The following APBA1 variants were observed in gnomAD, a reference collection of about 807,000 sequenced individuals.
APBA1 encodes the protein amyloid beta precursor protein binding family A member 1.
APBA1 carries 55 observed loss-of-function variants against 86.6 expected under a neutral mutation model. That is an observed-to-expected ratio of 0.64 (90% confidence interval 0.51 to 0.80). The LOEUF is 0.80. Ranked by LOEUF, APBA1 falls within the 30% of genes least tolerant of loss-of-function variation. The pLI, the probability that APBA1 is intolerant of heterozygous loss-of-function variation, is 0.00. For missense variants in APBA1, 1,090 were observed against 1,183.0 expected (o/e 0.92, Z 1.15); for synonymous variants, 511 against 493.9 (o/e 1.03, Z -0.46).
intron 1 of APBA1, among the ~76,000 whole-genome samples, chr9:69,607,954 C>T (rs1822510060): frequency 6.6e-6 from 1 of 152,136 alleles, no homozygotes. Context: ...GTGCCTGTCA[C>T]ATAATAACAG....
chr9:69,610,447 C>T (rs1003770407), intron 1 of APBA1, among the ~76,000 whole-genome samples: 5 of 152,100 alleles, frequency 3.3e-5, no homozygotes, highest in Non-Finnish European at 5.9e-5. Flanking sequence ...ATTCTAGGTT[C>T]CACAGAATTT....
rs189484624 is a variant in APBA1 at position 69,445,587 on chromosome 9, T to C, written c.2181+3997A>G. On this transcript the variant is annotated intron_variant, in intron 10 of 12. Coordinates refer to ENST00000265381, the MANE Select transcript of APBA1 (RefSeq NM_001163.4). ...GCTCCTGGGGAAGCAAGGGAAGCTGTGCGCTATTCTAAAACAGAGCAAAAA... is the reference window on the plus strand; with the variant it reads ...GCTCCTGGGGAAGCAAGGGAAGCTGCGCGCTATTCTAAAACAGAGCAAAAA... Among the ~76,000 whole-genome samples, 3 of 152,232 alleles carry C rather than the reference T, an allele frequency of 2.0e-5. No individual in the cohort carries two copies. In the East Asian group the frequency reaches 5.8e-4, roughly 29 times the overall value.
Position 69,429,822 on chromosome 9 carries a change from A to T in APBA1, c.*1505T>A, listed in dbSNP as rs1487150974. On this transcript the variant is annotated 3_prime_UTR_variant, in exon 13 of 13. Coordinates refer to ENST00000265381, the MANE Select transcript of APBA1 (RefSeq NM_001163.4). ...AGAACAGGGACTATATTAATTACAAAATATAATAGTTTCTCTTCCCCTGTC... is the reference window on the plus strand; with the variant it reads ...AGAACAGGGACTATATTAATTACAATATATAATAGTTTCTCTTCCCCTGTC... 6.6e-6 allele frequency: 1 copy of T among 151,792 alleles called. No individual in the cohort carries two copies. The highest frequency in any genetic ancestry group is 2.4e-5 in the African/African-American group (1 of 41,312). The allele number at this position is 151,792 out of a possible 1,614,324, so 9.4% of individuals were successfully genotyped here.
intron 1 of APBA1, among the ~76,000 whole-genome samples, chr9:69,609,119 T>C (rs921456473): frequency 6.6e-6 from 1 of 152,216 alleles, no homozygotes; most frequent in South Asian, 2.1e-4. Context: ...TTTTAAATGC[T>C]CACACTGATT....
chr9:69,487,515 T>G lies in APBA1; in HGVS notation c.1201-11372A>C, dbSNP rs189845682. ...TCCCTAGAATTCTTGTGTTAGAAAC[T>G]TGGTCCCCACTGCAGCAGTGTTGAG... is the stretch of plus-strand genomic sequence containing the variant. On this transcript the variant is annotated intron_variant, in intron 2 of 12. Transcript: ENST00000265381. Among the ~76,000 whole-genome samples, 10 of 152,218 alleles carry G rather than the reference T, an allele frequency of 6.6e-5. No homozygotes were observed. In the East Asian group the frequency reaches 1.9e-3, roughly 29 times the overall value.
chr9:69,502,122 T>G (rs1835888436), intron 2 of APBA1, among the ~76,000 whole-genome samples: 1 of 151,286 alleles, frequency 6.6e-6, no homozygotes, highest in African/African-American at 2.5e-5. Flanking sequence ...TGAAAAAAAT[T>G]GGAGCCCAGA....
At chr9:69,540,300 C>G (rs1210873320) in intron 1 of APBA1, among the ~76,000 whole-genome samples, 1 of 152,110 alleles carries the variant, frequency 6.6e-6, no homozygotes, top group Non-Finnish European at 1.5e-5. Flanking sequence ...CCCACCATGA[C>G]TGTGTCCCTA....
chr9:69,457,651 C>T (rs887225386), intron 6 of APBA1, among the ~76,000 whole-genome samples: 1 of 152,116 alleles, frequency 6.6e-6, no homozygotes, highest in African/African-American at 2.4e-5. Context: ...CCTGAAGCCA[C>T]CCCATTAAGA....
intron 1 of APBA1, among the ~76,000 whole-genome samples, chr9:69,559,058 T>A (rs749392188): frequency 1.3e-5 from 2 of 152,176 alleles, no homozygotes; most frequent in Non-Finnish European, 2.9e-5. Flanking sequence ...CAATATTTGT[T>A]TAAATGCAAC....
intron 1 of APBA1, among the ~76,000 whole-genome samples, chr9:69,623,242 G>A (rs895680641): frequency 2.0e-5 from 3 of 152,084 alleles, no homozygotes; most frequent in Non-Finnish European, 4.4e-5. Context: ...CTGGTTTACT[G>A]ACCTGAGGCT....
chr9:69,620,857 C>T (rs1001451906), intron 1 of APBA1, among the ~76,000 whole-genome samples: 3 of 152,188 alleles, frequency 2.0e-5, no homozygotes, highest in South Asian at 2.1e-4. Context: ...CGGGCTGGTG[C>T]GGTCACACGA....
At chr9:69,622,260 C>T (rs1822834879) in intron 1 of APBA1, among the ~76,000 whole-genome samples, 1 of 152,182 alleles carries the variant, frequency 6.6e-6, no homozygotes, top group African/African-American at 2.4e-5. Context: ...AGAGGCAGAG[C>T]AAAGCTCAGG....
chr9:69,500,410 G>C (rs1301463171), intron 2 of APBA1, among the ~76,000 whole-genome samples: 2 of 152,098 alleles, frequency 1.3e-5, no homozygotes, highest in Non-Finnish European at 2.9e-5. Flanking sequence ...ACATAAACCT[G>C]ATTAACTCAT....
chr9:69,572,263 C>A lies in APBA1; in HGVS notation c.-69-54984G>T, dbSNP rs1438493110. Reference sequence around the variant, plus strand: ...ACGTGTGCCGTCCCCCCTGACAGGCCCCAGTGTGTGTTTTCCCCTCCGTGT... The same window carrying A: ...ACGTGTGCCGTCCCCCCTGACAGGCACCAGTGTGTGTTTTCCCCTCCGTGT... On this transcript the variant is annotated intron_variant, in intron 1 of 12. Coordinates refer to ENST00000265381, the MANE Select transcript of APBA1 (RefSeq NM_001163.4). 2.0e-5 allele frequency among the ~76,000 whole-genome samples: 3 copies of A among 152,084 alleles called. No homozygotes were observed. The East Asian group carries it at 5.8e-4, about 29-fold the overall frequency.
chr9:69,574,832 C>A (rs1307524928), intron 1 of APBA1, among the ~76,000 whole-genome samples: 2 of 152,122 alleles, frequency 1.3e-5, no homozygotes, highest in East Asian at 3.9e-4. Flanking sequence ...AGGAGGGAAG[C>A]CAAGTCAGGG....
At chr9:69,510,337 T>G (rs1836011932) in intron 2 of APBA1, among the ~76,000 whole-genome samples, 2 of 151,174 alleles carry the variant, frequency 1.3e-5, no homozygotes, top group Non-Finnish European at 2.9e-5. Flanking sequence ...TCACAGAGAA[T>G]AAAATACCTA....
chr9:69,456,868 C>CT (rs2133815799), intron 7 of APBA1, among the ~76,000 whole-genome samples, 185 bp downstream of exon 7: 1 of 152,252 alleles, frequency 6.6e-6, no homozygotes, highest in Non-Finnish European at 1.5e-5. Context: ...TGTTTTTGGG[C>CT]TTTAAGAAAG....
intron 1 of APBA1, among the ~76,000 whole-genome samples, chr9:69,530,317 T>TACAC (rs1477536317): frequency 7.6e-6 from 1 of 131,886 alleles, no homozygotes; most frequent in Non-Finnish European, 1.7e-5. Context: ...TATATATATA[T>TACAC]ATATATATAT....
chr9:69,665,474 G>A (rs1431290659), intron 1 of APBA1, among the ~76,000 whole-genome samples: 2 of 152,098 alleles, frequency 1.3e-5, no homozygotes, highest in Non-Finnish European at 2.9e-5. Flanking sequence ...CAAGGTAAAC[G>A]AGCTTTACCC....
Sources: gnomAD v4.1 joint callset for allele counts (sites outside exome capture counted in the v4.1 genomes callset) on GRCh38, gnomAD v4.1.1 for gene constraint, MANE v1.5 for transcripts, NCBI Gene and HGNC (gene_info 2026-07-23, HGNC 2026-07-21) for gene names.